Variants in INPP5D observed in about 807,000 individuals in gnomAD.
INPP5D encodes the protein phosphatidylinositol 3,4,5-trisphosphate 5-phosphatase 1.
Under a neutral mutation model 122.9 loss-of-function variants are expected in INPP5D, and 33 were observed. That is an observed-to-expected ratio of 0.27 (90% CI 0.20 to 0.36). The LOEUF (loss-of-function observed/expected upper bound fraction) is 0.36, where lower values mean the gene tolerates loss of function less well. INPP5D is among the 10% of genes least tolerant of loss of function. The pLI is 1.00. For missense variants in INPP5D, 1,053 were observed against 1,412.7 expected (o/e 0.75, Z 4.08); for synonymous variants, 584 against 576.2 (o/e 1.01, Z -0.19).
chr2:233,173,959 A>C (rs190555411), intron 17 of INPP5D, among the ~76,000 whole-genome samples: 1 of 152,192 alleles, frequency 6.6e-6, no homozygotes, highest in African/African-American at 2.4e-5. Context: ...CCATAAATGC[A>C]CACATTAGCC....
At chr2:233,087,137 T>A (rs1691874766) in intron 2 of INPP5D, among the ~76,000 whole-genome samples, 1 of 152,094 alleles carries the variant, frequency 6.6e-6, no homozygotes, top group African/African-American at 2.4e-5. Context: ...CGGGTCTAAT[T>A]GTGTCTGTCA....
At chr2:233,113,396 G>C (rs1411687533) in intron 2 of INPP5D, among the ~76,000 whole-genome samples, 1 of 152,182 alleles carries the variant, frequency 6.6e-6, no homozygotes, top group Non-Finnish European at 1.5e-5. Flanking sequence ...TTTAAAAAAA[G>C]AGAAGGGAGG....
intron 6 of INPP5D, 89 bp from the exon 7 acceptor site, chr2:233,146,073 G>A (rs1002724275): frequency 5.7e-6 from 4 of 703,816 alleles, no homozygotes; most frequent in African/African-American, 3.5e-5. Context: ...GGCTGGAATG[G>A]GGTGAGGTGC....
At position 233,170,212 on chromosome 2, in the gene INPP5D, G is replaced by A. The variant is rs1354308884; in HGVS notation, c.1791+48G>A. The A allele has an allele frequency of 4.4e-6, 7 of 1,594,488 alleles. No individual in the cohort carries two copies. Among genetic ancestry groups the A allele is most frequent in the Non-Finnish European group, 4.3e-6 (5 of 1,169,790 alleles). On this transcript the variant is annotated intron_variant, in intron 15 of 26. Transcript: ENST00000445964. The surrounding 1 kb of genome is among the most constrained non-coding windows in gnomAD (Gnocchi z 4.5). The stretch of plus-strand genomic sequence containing the variant: ...TGGGGCTGGGGCTGTATGAGATGGA[G>A]GCTCCCTTGAGTCAGCTTGGGGCAG...
chr2:233,167,871 G>C (rs1169944389), intron 13 of INPP5D, among the ~76,000 whole-genome samples: 1 of 151,876 alleles, frequency 6.6e-6, no homozygotes, highest in Non-Finnish European at 1.5e-5. Context: ...TGGGTGTGGT[G>C]GTGGGTGCCT....
intron 9 of INPP5D, among the ~76,000 whole-genome samples, chr2:233,153,158 G>A (rs1036683201): frequency 3.9e-5 from 6 of 152,164 alleles, no homozygotes; most frequent in Non-Finnish European, 5.9e-5. Flanking sequence ...TGACTCTGAT[G>A]GAATAATAAC....
intron 2 of INPP5D, among the ~76,000 whole-genome samples, chr2:233,086,119 C>CTCTTTCTTCCTTTCTTTCTTTCTT (rs1691826185): frequency 1.1e-5 from 1 of 93,828 alleles, no homozygotes; most frequent in African/African-American, 4.0e-5. Context: ...ATAAGATAGC[C>CTCTTTCTTCCTTTCTTTCTTTCTT]TCTTTCTTTC....
chr2:233,069,755 TTTAAG>T (rs1291041402), intron 1 of INPP5D, among the ~76,000 whole-genome samples: 3 of 152,222 alleles, frequency 2.0e-5, no homozygotes, highest in Non-Finnish European at 2.9e-5. Context: ...TTATCAGATA[TTTAAG>T]TTATCAACAG....
chr2:233,132,766 C>T (rs1693363246), intron 5 of INPP5D, among the ~76,000 whole-genome samples: 1 of 152,132 alleles, frequency 6.6e-6, no homozygotes, highest in Non-Finnish European at 1.5e-5. Context: ...GAGCCCTGTT[C>T]TGGGTGCTGG....
intron 2 of INPP5D, 69 bp downstream of exon 2, chr2:233,079,467 C>T (rs148516319): frequency 9.7e-6 from 10 of 1,034,232 alleles, no homozygotes; most frequent in South Asian, 7.6e-5. Context: ...AGGGTGTAAA[C>T]GATGAGGAAG....
At chr2:233,112,115 A>T (rs1038410113) in intron 2 of INPP5D, among the ~76,000 whole-genome samples, 4 of 151,114 alleles carry the variant, frequency 2.6e-5, no homozygotes, top group Admixed American at 6.6e-5. Context: ...TCAAACTCTC[A>T]CCCACTTTGT....
At chr2:233,169,268 T>C (rs1401506118) in intron 13 of INPP5D, 37 bp from the exon 14 acceptor site, 1 of 1,563,826 alleles carries the variant, frequency 6.4e-7, no homozygotes, top group East Asian at 2.4e-5. Context: ...GTGTGTCTGT[T>C]TGATATTTTG....
At chr2:233,171,231 G>C (rs1267535774) in intron 17 of INPP5D, 79 bp downstream of exon 17, 13 of 1,543,888 alleles carry the variant, frequency 8.4e-6, no homozygotes, top group African/African-American at 1.4e-5. Context: ...TGAACAGAAA[G>C]TGTCTTCATC....
intron 4 of INPP5D, 87 bp from the exon 5 acceptor site, chr2:233,130,421 A>G: frequency 1.4e-6 from 2 of 1,427,466 alleles, no homozygotes; most frequent in African/African-American, 2.8e-5. Flanking sequence ...GAGGATGAGG[A>G]TTTGTTATTG....
intron 2 of INPP5D, among the ~76,000 whole-genome samples, chr2:233,094,490 G>A (rs1692076501): frequency 1.4e-5 from 1 of 73,668 alleles, no homozygotes; most frequent in Admixed American, 2.1e-4. Flanking sequence ...TCCAGCTTGG[G>A]CAATAGAGCA....
chr2:233,136,832 A>T (rs1381674414), intron 5 of INPP5D, among the ~76,000 whole-genome samples: 2 of 152,256 alleles, frequency 1.3e-5, no homozygotes, highest in Non-Finnish European at 2.9e-5. Context: ...GAAAGTTTTA[A>T]ACATGAGAAA....
In INPP5D at chr2:233,105,761, A is replaced by G. The variant is rs540157257; in HGVS notation, c.199-16346A>G. On this transcript the variant is annotated intron_variant, in intron 2 of 26. Transcript: ENST00000445964. This position sits in a 1 kb window ranked among gnomAD's most constrained non-coding sequence, Gnocchi z 4.0. Reference sequence around the variant, plus strand: ...GATCTTGACGAGTAGCTTCGAGGACAGGGGCCACAGGAGGACAGGCTGCCA... The same window carrying G: ...GATCTTGACGAGTAGCTTCGAGGACGGGGGCCACAGGAGGACAGGCTGCCA... Among the ~76,000 whole-genome samples, 3 of 152,236 alleles carry G rather than the reference A, an allele frequency of 2.0e-5. No individual in the cohort carries two copies. The highest frequency in any genetic ancestry group is 7.2e-5 in the African/African-American group (3 of 41,564).
intron 2 of INPP5D, among the ~76,000 whole-genome samples, chr2:233,117,289 C>T (rs1439646054): frequency 4.6e-5 from 7 of 152,150 alleles, no homozygotes; most frequent in East Asian, 1.9e-4. Context: ...CGAACCTGGA[C>T]GCTTCATCGG....
chr2:233,148,279 C>A (rs539688516), intron 9 of INPP5D, among the ~76,000 whole-genome samples: 4 of 80,224 alleles, frequency 5.0e-5, no homozygotes, highest in African/African-American at 2.2e-4. Context: ...TCTGTCAATA[C>A]AGATGAATGA....
Sources: allele counts gnomAD v4.1 joint callset (sites outside exome capture counted in the v4.1 genomes callset), GRCh38; gene constraint gnomAD v4.1.1; non-coding constraint Gnocchi (gnomAD v3.1); transcripts MANE v1.5; gene names NCBI Gene and HGNC (gene_info 2026-07-23, HGNC 2026-07-21).